SGMS1: variants seen among roughly 807,000 people sequenced by gnomAD.
SGMS1 encodes the protein phosphatidylcholine:ceramide cholinephosphotransferase 1.
SGMS1 carries 13 observed loss-of-function variants against 46.2 expected under a neutral mutation model. That is an observed-to-expected ratio of 0.28 (90% CI 0.18 to 0.45). The LOEUF (loss-of-function observed/expected upper bound fraction) is 0.45. Ranked by LOEUF, SGMS1 falls within the 20% of genes least tolerant of loss-of-function variation. SGMS1 has a pLI of 1.00. For synonymous variants in SGMS1, 203 were observed against 187.8 expected (o/e 1.08, Z -0.66); for missense variants, 324 against 519.9 (o/e 0.62, Z 3.66).
At chr10:50,555,397 T>G (rs181334463) in intron 2 of SGMS1, among the ~76,000 whole-genome samples, 5 of 152,330 alleles carry the variant, frequency 3.3e-5, no homozygotes, top group African/African-American at 9.6e-5. Context: ...TCTTCCTGCT[T>G]TGAGGCCTTA....
intron 2 of SGMS1, among the ~76,000 whole-genome samples, chr10:50,526,127 T>G (rs897192974): frequency 6.6e-6 from 1 of 152,136 alleles, no homozygotes; most frequent in African/African-American, 2.4e-5. Context: ...GAAAACTACC[T>G]GAGACTAGGT....
intron 1 of SGMS1, among the ~76,000 whole-genome samples, chr10:50,613,023 C>T (rs868771688): frequency 2.6e-5 from 4 of 152,310 alleles, no homozygotes; most frequent in African/African-American, 7.2e-5. Context: ...AGTGCAGTCC[C>T]AGCTCTGATT....
chr10:50,535,218 G>A (rs1242166552), intron 2 of SGMS1, among the ~76,000 whole-genome samples: 2 of 116,664 alleles, frequency 1.7e-5, no homozygotes, highest in African/African-American at 6.8e-5. Context: ...GTGAGAAAGT[G>A]AGAGTCCATC....
chr10:50,624,623 CG>C, upstream of SGMS1: 2 of 985,332 alleles, frequency 2.0e-6, no homozygotes, highest in Non-Finnish European at 2.4e-6. Context: ...GCCGCCCCTC[CG>C]AGCTGCGGCG....
intron 2 of SGMS1, among the ~76,000 whole-genome samples, chr10:50,552,588 A>C (rs1838157491): frequency 6.6e-6 from 1 of 152,162 alleles, no homozygotes; most frequent in African/African-American, 2.4e-5. Flanking sequence ...GTCCTGCAAA[A>C]CAGTTAGGAA....
chr10:50,603,052 C>G (rs1294552114), intron 1 of SGMS1, among the ~76,000 whole-genome samples: 1 of 152,188 alleles, frequency 6.6e-6, no homozygotes, highest in East Asian at 1.9e-4. Context: ...ACTCCTTATC[C>G]TCTGCAATGT....
At chr10:50,459,684 G>A (rs1010929444) in intron 5 of SGMS1, among the ~76,000 whole-genome samples, 3 of 152,222 alleles carry the variant, frequency 2.0e-5, no homozygotes, top group African/African-American at 7.2e-5. Context: ...GATTACAGGC[G>A]TGAGCCACCA....
intron 5 of SGMS1, among the ~76,000 whole-genome samples, chr10:50,453,496 T>C (rs921384725): frequency 1.3e-5 from 2 of 151,256 alleles, no homozygotes; most frequent in African/African-American, 4.8e-5. Flanking sequence ...TAGAAATAGC[T>C]GAAGAAAGAA....
chr10:50,393,794 C>G (rs981463355), intron 6 of SGMS1, among the ~76,000 whole-genome samples: 1 of 152,102 alleles, frequency 6.6e-6, no homozygotes, highest in Admixed American at 6.6e-5. Context: ...TAAAAACAAC[C>G]AAGATTCAGG....
chr10:50,593,196 T>C (rs1838559173), intron 1 of SGMS1, among the ~76,000 whole-genome samples: 1 of 152,246 alleles, frequency 6.6e-6, no homozygotes, highest in Non-Finnish European at 1.5e-5. Context: ...GCAACAGCTA[T>C]GTGAGTGAGC....
intron 2 of SGMS1, among the ~76,000 whole-genome samples, chr10:50,531,437 C>T (rs1837952475): frequency 6.6e-6 from 1 of 151,962 alleles, no homozygotes; most frequent in Non-Finnish European, 1.5e-5. Flanking sequence ...TGACTTAGAG[C>T]ATACTGTTCA....
intron 3 of SGMS1, among the ~76,000 whole-genome samples, chr10:50,517,026 G>A (rs1837812703): frequency 6.6e-6 from 1 of 152,130 alleles, no homozygotes; most frequent in Admixed American, 6.6e-5. Context: ...TCAGCATGGT[G>A]GAGAAAGCCC....
At chr10:50,613,662 C>A (rs939992243) in intron 1 of SGMS1, among the ~76,000 whole-genome samples, 1 of 152,190 alleles carries the variant, frequency 6.6e-6, no homozygotes, top group Non-Finnish European at 1.5e-5. Context: ...AAATCTAAAC[C>A]AGTGTTCCTT....
At chr10:50,398,151 C>T (rs185135521) in intron 6 of SGMS1, among the ~76,000 whole-genome samples, 4 of 152,174 alleles carry the variant, frequency 2.6e-5, no homozygotes, top group East Asian at 3.9e-4. Flanking sequence ...TCCACTCTCT[C>T]GGAGCTTCTT....
chr10:50,387,802 C>T (rs1180372517), intron 6 of SGMS1, among the ~76,000 whole-genome samples: 1 of 152,152 alleles, frequency 6.6e-6, no homozygotes, highest in Non-Finnish European at 1.5e-5. Context: ...AGCACAGCCA[C>T]ATGGTGGAAG....
chr10:50,540,045 A>G (rs896286257), intron 2 of SGMS1, among the ~76,000 whole-genome samples: 3 of 152,226 alleles, frequency 2.0e-5, no homozygotes, highest in African/African-American at 7.2e-5. Context: ...CTAATTTTTC[A>G]GTATTTCTTA....
chr10:50,536,421 A>G (rs1838002837), intron 2 of SGMS1, among the ~76,000 whole-genome samples: 1 of 152,238 alleles, frequency 6.6e-6, no homozygotes, highest in Admixed American at 6.5e-5. Context: ...GATAGAATAT[A>G]TAATTATTGA....
At chr10:50,581,071 C>T (rs927447548) in intron 2 of SGMS1, among the ~76,000 whole-genome samples, 8 of 152,148 alleles carry the variant, frequency 5.3e-5, no homozygotes, top group African/African-American at 1.9e-4. Flanking sequence ...TACTGCCATC[C>T]CAGGGACCAA....
chr10:50,616,996 T>C (rs1838804124), intron 1 of SGMS1, among the ~76,000 whole-genome samples: 1 of 152,060 alleles, frequency 6.6e-6, no homozygotes, highest in Non-Finnish European at 1.5e-5. Flanking sequence ...CATCCACAAA[T>C]AACCAAGTCA....
Sources: gnomAD v4.1 joint callset for allele counts (sites outside exome capture counted in the v4.1 genomes callset) on GRCh38, gnomAD v4.1.1 for gene constraint, MANE v1.5 for transcripts, NCBI Gene and HGNC (gene_info 2026-07-23, HGNC 2026-07-21) for gene names.